The following ENOX2 variants were observed in gnomAD, a reference collection of about 807,000 sequenced individuals.
The protein encoded by ENOX2 is ecto-NOX disulfide-thiol exchanger 2.
A neutral mutation model predicts 45.0 loss-of-function variants in ENOX2; 36 were observed. That is an observed-to-expected ratio of 0.80 (90% CI 0.61 to 1.06). The LOEUF is 1.06. Ranked by LOEUF, ENOX2 falls within the 50% of genes least tolerant of loss-of-function variation. The probability of loss-of-function intolerance (pLI) is 0.00; values close to 1 mark genes in which losing one functional copy is unlikely to be tolerated. For missense variants in ENOX2, 423 were observed against 462.5 expected (o/e 0.91, Z 0.78); for synonymous variants, 174 against 152.3 (o/e 1.14, Z -1.05).
intron 12 of ENOX2, among the ~76,000 whole-genome samples, chrX:130,632,373 G>GC (rs1260367915): frequency 2.0e-4 from 10 of 51,150 alleles, no homozygotes; most frequent in Non-Finnish European, 3.2e-4. Flanking sequence ...GCGGGGGGGG[G>GC]GGGTGGTCCT....
At chrX:130,815,688 A>G (rs2077471383) in intron 2 of ENOX2, among the ~76,000 whole-genome samples, 1 of 112,009 alleles carries the variant, frequency 8.9e-6, no homozygotes, top group Non-Finnish European at 1.9e-5. Context: ...TTTAAAGACA[A>G]GCAAATACTG....
chrX:130,887,711 G>T (rs1236885182), intron 2 of ENOX2, among the ~76,000 whole-genome samples: 3 of 111,785 alleles, frequency 2.7e-5, no homozygotes, highest in African/African-American at 6.5e-5. Context: ...GTTCATTGGA[G>T]AATTCGTTCG....
In ENOX2 at chrX:130,656,575, C is replaced by T. The variant is rs147492521; in HGVS notation, c.1129+6G>A. On this transcript the variant is annotated splice_donor_region_variant and intron_variant, in intron 10 of 14. Transcript: ENST00000394363. ...TATTAAATAAAGAAAACAGAATTAT[C>T]TTTACCTGATTCCTCAGTTTCTTTT... The T allele has an allele frequency of 0.012, 12,855 of 1,032,789 alleles. 72 individuals carry two copies. The highest frequency in any genetic ancestry group is 0.016 in the Non-Finnish European group (11,686 of 739,209). The allele number at this position is 1,032,789 out of a possible 1,213,427, so 85.1% of individuals were successfully genotyped here.
chrX:130,790,231 G>A (rs1229844059), intron 2 of ENOX2, among the ~76,000 whole-genome samples: 6 of 112,421 alleles, frequency 5.3e-5, no homozygotes, highest in Admixed American at 3.8e-4. Flanking sequence ...TTGCTTGAAT[G>A]GTGGTAGACA....
intron 3 of ENOX2, among the ~76,000 whole-genome samples, chrX:130,738,150 AAAC>A (rs2148308032): frequency 8.9e-6 from 1 of 112,378 alleles, no homozygotes; most frequent in Admixed American, 9.4e-5. Flanking sequence ...CTGAAGATTT[AAAC>A]AACTTAGAAA....
At chrX:130,688,100 C>A (rs754277434) in intron 5 of ENOX2, among the ~76,000 whole-genome samples, 1 of 112,303 alleles carries the variant, frequency 8.9e-6, no homozygotes, top group South Asian at 3.8e-4. Context: ...ATGGAAAAAT[C>A]ATTAATGAGG....
intron 3 of ENOX2, among the ~76,000 whole-genome samples, chrX:130,764,287 G>A (rs929023790): frequency 5.4e-5 from 6 of 110,566 alleles, no homozygotes; most frequent in African/African-American, 2.0e-4. Flanking sequence ...GAAGTTTCCC[G>A]ATTTGTCTTA....
rs1211756774 is a variant in ENOX2, at chrX:130,661,507, GA to G, written c.1014+4135del. Among the ~76,000 whole-genome samples, 8 of 111,788 alleles carry G rather than the reference GA, an allele frequency of 7.2e-5. No individual in the cohort carries two copies. The Admixed American group carries it at 7.6e-4, about 11-fold the overall frequency. On this transcript the variant is annotated intron_variant, in intron 9 of 14. Coordinates refer to ENST00000394363, the MANE Select transcript of ENOX2 (RefSeq NM_006375.4). Reference sequence around the variant, plus strand: ...CCCAGCCTAAGACTTTCAACATTAAGAGGAAAATTGGTGGAGAAGAGATCAG... The same window carrying G: ...CCCAGCCTAAGACTTTCAACATTAAGGGAAAATTGGTGGAGAAGAGATCAG...
At chrX:130,663,907 T>C (rs188664640) in intron 9 of ENOX2, among the ~76,000 whole-genome samples, 38 of 112,072 alleles carry the variant, frequency 3.4e-4, no homozygotes, top group Non-Finnish European at 6.6e-4. Context: ...TTGCCTATCA[T>C]AGTGCTTGAG....
chrX:130,722,068 T>A (rs2038492739), intron 3 of ENOX2, among the ~76,000 whole-genome samples: 1 of 111,685 alleles, frequency 9.0e-6, no homozygotes, highest in Non-Finnish European at 1.9e-5. Context: ...CTTGTAGAAC[T>A]TGAACTGATA....
chrX:130,770,476 T>G lies in ENOX2; in HGVS notation c.-39+13071A>C, dbSNP rs769991447. On this transcript the variant is annotated intron_variant, in intron 3 of 14. Coordinates refer to ENST00000394363, the MANE Select transcript of ENOX2 (RefSeq NM_006375.4). ...ATGTGAAAGAACACAGCACAAACAG[T>G]GTTAAAATACATGAGAAAACATTTA... is the stretch of plus-strand genomic sequence containing the variant. 1.7e-4 allele frequency among the ~76,000 whole-genome samples: 19 copies of G among 111,089 alleles called. 1 individual carries two copies. In the South Asian group the frequency reaches 6.7e-3, roughly 39 times the overall value.
In ENOX2 at chrX:130,831,671, T is replaced by A. The variant is rs183028868; in HGVS notation, c.-182-47981A>T. On this transcript the variant is annotated intron_variant, in intron 2 of 14. Transcript: ENST00000394363. Reference sequence around the variant, plus strand: ...CTTTTTTCCATGATATCAAAGTAGGTCCTCTCATATTTTTACTCATCCATA... The same window carrying A: ...CTTTTTTCCATGATATCAAAGTAGGACCTCTCATATTTTTACTCATCCATA... 1.1e-3 allele frequency among the ~76,000 whole-genome samples: 125 copies of A among 111,959 alleles called. 1 individual carries two copies. The highest frequency in any genetic ancestry group is 0.01 in the Admixed American group (107 of 10,535).
chrX:130,733,418 TAAAG>T (rs1406116058), intron 3 of ENOX2, among the ~76,000 whole-genome samples: 8 of 111,094 alleles, frequency 7.2e-5, no homozygotes. Context: ...GGCTGTTTCT[TAAAG>T]AAATATGTAA....
At chrX:130,656,527 T>C (rs964940493) in intron 10 of ENOX2, 54 bp downstream of exon 10, 2 of 768,873 alleles carry the variant, frequency 2.6e-6, no homozygotes, top group Non-Finnish European at 4.0e-6. Context: ...AGTTTGAAAA[T>C]ATCATGTCTG....
intron 4 of ENOX2, among the ~76,000 whole-genome samples, chrX:130,702,303 T>A (rs1468489998): frequency 9.0e-6 from 1 of 111,522 alleles, no homozygotes; most frequent in Non-Finnish European, 1.9e-5. Context: ...GGCCTGAGAT[T>A]CTGGGATTCT....
chrX:130,898,430 T>G (rs892635321), intron 2 of ENOX2, among the ~76,000 whole-genome samples: 3 of 112,091 alleles, frequency 2.7e-5, no homozygotes, highest in Admixed American at 1.9e-4. Flanking sequence ...TAATATTTTT[T>G]TGTGTGTTTA....
At position 130,685,992 on chromosome X, in the gene ENOX2, G is replaced by T. The variant is rs746237494; in HGVS notation, c.253+2871C>A. On this transcript the variant is annotated intron_variant, in intron 5 of 14. Coordinates refer to ENST00000394363, the MANE Select transcript of ENOX2 (RefSeq NM_006375.4). ...TGGGACACAGGGGAGGGAATGGATG[G>T]CAAAGATACTTTCTAATAAAGCAAC... is the stretch of plus-strand genomic sequence containing the variant. Among the ~76,000 whole-genome samples the T allele has an allele frequency of 2.7e-5, 3 of 111,658 alleles. No individual in the cohort carries two copies. In the South Asian group the frequency reaches 1.1e-3, roughly 42 times the overall value.
Position 130,625,083 on chromosome X carries a change from G to A in ENOX2, c.*231C>T. The stretch of plus-strand genomic sequence containing the variant: ...TTGCAATATTTAAAGACAACCAATT[G>A]ACAGAAAGGGGAGGAAGTTACAGCA... On this transcript the variant is annotated 3_prime_UTR_variant, in exon 15 of 15. Coordinates refer to ENST00000394363, the MANE Select transcript of ENOX2 (RefSeq NM_006375.4). The A allele has an allele frequency of 2.9e-6, 1 of 347,365 alleles. No homozygotes were observed. The highest frequency in any genetic ancestry group is 5.0e-6 in the Non-Finnish European group (1 of 199,853). The allele number at this position is 347,365 out of a possible 1,213,427, so 28.6% of individuals were successfully genotyped here.
intron 5 of ENOX2, among the ~76,000 whole-genome samples, chrX:130,685,230 G>A (rs1463018289): frequency 9.0e-6 from 1 of 111,329 alleles, no homozygotes; most frequent in African/African-American, 3.3e-5. Flanking sequence ...CGGAACAGAG[G>A]AAGAGATGGG....
Sources: gnomAD v4.1 joint callset for allele counts (sites outside exome capture counted in the v4.1 genomes callset) on GRCh38, gnomAD v4.1.1 for gene constraint, MANE v1.5 for transcripts, NCBI Gene and HGNC (gene_info 2026-07-23, HGNC 2026-07-21) for gene names.